Variants in SAFB observed in about 807,000 individuals in gnomAD.
SAFB encodes scaffold attachment factor B1.
In SAFB, 15 loss-of-function variants were observed where a neutral mutation model predicts 101.6. The ratio of observed to expected loss-of-function variants is 0.15; its 90% CI spans 0.10 to 0.23. The LOEUF is 0.23. Among genes scored for constraint, SAFB ranks in the 10% least tolerant of loss-of-function variants. SAFB has a pLI of 1.00. For synonymous variants in SAFB, 449 were observed against 407.5 expected, an observed-to-expected ratio of 1.10 and a Z score of -1.23; for missense variants, 930 against 1,104.1, an observed-to-expected ratio of 0.84 and a Z score of 2.23.
intron 14 of SAFB, among the ~76,000 whole-genome samples, chr19:5,658,997 T>C (rs2054132338): frequency 6.6e-6 from 1 of 151,564 alleles, no homozygotes; most frequent in Non-Finnish European, 1.5e-5. Context: ...ATACAAAAAT[T>C]AGCCAGGTAT....
chr19:5,642,187 C>CGGTT (rs2053730896), intron 4 of SAFB: 2 of 553,500 alleles, frequency 3.6e-6, no homozygotes, highest in Admixed American at 4.7e-5. Context: ...TGAGGACAAC[C>CGGTT]ATTCAGACTC....
chr19:5,626,636 C>T, intron 2 of SAFB, 147 bp downstream of exon 2: 1 of 589,682 alleles, frequency 1.7e-6, no homozygotes, highest in South Asian at 2.1e-5. Context: ...CATTTTCTTT[C>T]AAGATCTCTC....
chr19:5,655,010 G>A (rs781432057), intron 13 of SAFB, among the ~76,000 whole-genome samples: 9 of 152,180 alleles, frequency 5.9e-5, no homozygotes, highest in South Asian at 4.1e-4. Context: ...GGCAGTCCAC[G>A]TTCCCTGTCT....
At position 5,667,160 on chromosome 19, in the gene SAFB, C is replaced by T. The variant is rs759973784; in HGVS notation, c.2449C>T (p.Pro817Ser). Residue 817 changes from proline to serine, a missense_variant, in exon 18 of 21, where the codon CCC (proline) becomes TCC (serine). Physicochemically the swap from Pro to Ser is moderately conservative, Grantham distance 74. Around this residue, in one of 7 missense-constraint regions of SAFB, gnomAD observed 318 missense variants for 342.6 expected, o/e 0.93. Transcript: ENST00000588852. The surrounding 1 kb of genome is among the most constrained non-coding windows in gnomAD (Gnocchi z 4.0). The part of the protein sequence containing the change: ...MSEGRGLPPP[P>S]RGRRDWGDHG... The stretch of plus-strand genomic sequence containing the variant: ...CGAGGGCCGGGGGCTGCCTCCTCCC[C>T]CCAGGTTTGTGTCCCACACCCGACA... 7 of 1,585,764 alleles carry T rather than the reference C, an allele frequency of 4.4e-6. No homozygotes were observed. The highest frequency in any genetic ancestry group is 2.7e-5 in the African/African-American group (2 of 74,346).
chr19:5,661,865 C>A, intron 15 of SAFB, 57 bp downstream of exon 15: 3 of 1,188,814 alleles, frequency 2.5e-6, no homozygotes, highest in Non-Finnish European at 3.5e-6. Context: ...TTAGGGACCT[C>A]ACAGTCCAGT....
In SAFB at chr19:5,637,071, G is replaced by A. The variant is rs532132109; in HGVS notation, c.275-4523G>A. On this transcript the variant is annotated intron_variant, in intron 2 of 20. Transcript: ENST00000588852. ...TAAAACAATTGATTTTCGGCCGGGC[G>A]TGGTGGCTCACGCCTGTAATCCTAG... 7.9e-5 allele frequency among the ~76,000 whole-genome samples: 12 copies of A among 151,470 alleles called. No individual in the cohort carries two copies. The South Asian group carries it at 2.1e-3, about 26-fold the overall frequency.
At chr19:5,656,780 T>G (rs2054072609) in intron 13 of SAFB, among the ~76,000 whole-genome samples, 1 of 151,834 alleles carries the variant, frequency 6.6e-6, no homozygotes, top group South Asian at 2.1e-4. Context: ...TTTTATTTAT[T>G]TATTTTTTGA....
Position 5,667,243 on chromosome 19 carries a change from AG to A in SAFB, c.2453+82del. ...CCGCAAGTCGCTGGGATGTGGGCAC[AG>A]GGTGGGAAACACAGAGGGATTCACT... On this transcript the variant is annotated intron_variant, in intron 18 of 20. Coordinates refer to ENST00000588852, the MANE Select transcript of SAFB (RefSeq NM_001201338.2). This position sits in a 1 kb window ranked among gnomAD's most constrained non-coding sequence, Gnocchi z 4.0. 8.1e-7 allele frequency: 1 copy of A among 1,236,774 alleles called. No individual in the cohort carries two copies. The highest frequency in any genetic ancestry group is 1.1e-6 in the Non-Finnish European group (1 of 892,852). 76.6% of individuals were successfully genotyped at this position (1,236,774 alleles called of 1,614,324 possible).
In SAFB at chr19:5,651,783, G is replaced by A. The variant is rs144883894; in HGVS notation, c.1293+711G>A. 1.0e-3 allele frequency among the ~76,000 whole-genome samples: 156 copies of A among 152,282 alleles called. 3 individuals carry two copies. In the East Asian group the frequency reaches 0.027, roughly 26 times the overall value. On this transcript the variant is annotated intron_variant, in intron 9 of 20. Transcript: ENST00000588852. The stretch of plus-strand genomic sequence containing the variant: ...AGGGCTCCTCGTCTCTCTCAGAGTC[G>A]GTTTCGGGGACTACCAAAGGAAGGA...
At position 5,661,780 on chromosome 19, in the gene SAFB, G is replaced by A. The variant is rs1176229417; in HGVS notation, c.2125G>A (p.Ala709Thr). Residue 709 changes from alanine to threonine, a missense_variant, in exon 15 of 21, where the codon GCG (alanine) becomes ACG (threonine). Around this residue, in one of 7 missense-constraint regions of SAFB, gnomAD observed 318 missense variants for 342.6 expected, o/e 0.93. Transcript: ENST00000588852. ...ELRYEQERRPAVRRPYDLDRR... is the reference protein window; with the variant it reads ...ELRYEQERRPTVRRPYDLDRR... The stretch of plus-strand genomic sequence containing the variant: ...GCGCTATGAGCAGGAGCGGCGGCCC[G>A]CGGTGCGGCGGCCCTACGACCTGGA... 7.1e-6 allele frequency: 11 copies of A among 1,559,344 alleles called. No homozygotes were observed. The African/African-American group carries it at 8.1e-5, about 12-fold the overall frequency.
At chr19:5,660,704 CA>C (rs60011056) in intron 14 of SAFB, among the ~76,000 whole-genome samples, 1,986 of 76,398 alleles carry the variant, frequency 0.026, 17 homozygotes, top group Middle Eastern at 0.059. Context: ...CCATCTCTAC[CA>C]AAAAAAAAAA....
Position 5,641,885 on chromosome 19 carries a change from A to G in SAFB, c.485A>G (p.Asp162Gly), listed in dbSNP as rs1377138404. Residue 162 changes from aspartate (D) to glycine (G), a missense_variant, in exon 4 of 21, where the codon GAT becomes GGT. Asp to Gly is a moderately conservative substitution (Grantham distance 94). Transcript: ENST00000588852. ...DADNLQESLS[D>G]SRELVEGEMK... ...GATAACCTCCAGGAGTCCCTGTCGGATAGTAGAGAGCTAGTCGAGGGGGAA... is the reference window on the plus strand; with the variant it reads ...GATAACCTCCAGGAGTCCCTGTCGGGTAGTAGAGAGCTAGTCGAGGGGGAA... 21 of 1,614,050 alleles carry G rather than the reference A, an allele frequency of 1.3e-5. No homozygotes were observed. The highest frequency in any genetic ancestry group is 1.6e-5 in the Non-Finnish European group (19 of 1,180,028).
In SAFB at chr19:5,645,967, C is replaced by G. The variant is rs542142008; in HGVS notation, c.609+568C>G. Among the ~76,000 whole-genome samples, 7 of 152,200 alleles carry G rather than the reference C, an allele frequency of 4.6e-5. No homozygotes were observed. In the South Asian group the frequency reaches 1.0e-3, roughly 23 times the overall value. ...CATCCTACCTGTTTCATTGGCATCT[C>G]TGTAAATATTAAATCTTAGATGAGA... On this transcript the variant is annotated intron_variant, in intron 5 of 20. Transcript: ENST00000588852.
At position 5,623,158 on chromosome 19, in the gene SAFB, ACCGG is replaced by A. The variant is rs1268499494; in HGVS notation, c.-45_-42del. On this transcript the variant is annotated 5_prime_UTR_variant, in exon 1 of 21. Coordinates refer to ENST00000588852, the MANE Select transcript of SAFB (RefSeq NM_001201338.2). ...CATTTTGTGCTAGGAGCCTGATAAA[ACCGG>A]CCCGGTTCTGTGGAAAGTGGGCGGC... The A allele has an allele frequency of 6.5e-7, 1 of 1,538,482 alleles. No homozygotes were observed. Among genetic ancestry groups the A allele is most frequent in the South Asian group, 1.2e-5 (1 of 84,014 alleles).
At chr19:5,631,546 T>A (rs541628015) in intron 2 of SAFB, among the ~76,000 whole-genome samples, 30 of 152,350 alleles carry the variant, frequency 2.0e-4, no homozygotes, top group African/African-American at 6.0e-4. Context: ...ATGTGTGAAT[T>A]CAAAATGCTT....
intron 7 of SAFB, 69 bp downstream of exon 7, chr19:5,649,568 G>A (rs1028148016): frequency 2.2e-5 from 8 of 365,998 alleles, no homozygotes; most frequent in African/African-American, 1.9e-4. Flanking sequence ...ACACACATAA[G>A]CTGTTTTTTT....
chr19:5,647,600 T>C (rs571940779), intron 5 of SAFB, among the ~76,000 whole-genome samples: 1 of 152,332 alleles, frequency 6.6e-6, no homozygotes, highest in East Asian at 1.9e-4. Flanking sequence ...CCTGGGCCCA[T>C]ATTCCCTCAG....
At chr19:5,657,018 G>T (rs890884019) in intron 13 of SAFB, among the ~76,000 whole-genome samples, 1 of 151,956 alleles carries the variant, frequency 6.6e-6, no homozygotes, top group East Asian at 1.9e-4. Context: ...TGATCTGTCC[G>T]TCTCAGCCTC....
chr19:5,651,601 G>A (rs531389604), intron 9 of SAFB, among the ~76,000 whole-genome samples: 1 of 152,270 alleles, frequency 6.6e-6, no homozygotes, highest in Non-Finnish European at 1.5e-5. Flanking sequence ...CTTGTCTGCA[G>A]CACCTGCCTT....
Sources: allele counts gnomAD v4.1 joint callset (sites outside exome capture counted in the v4.1 genomes callset), GRCh38; gene constraint gnomAD v4.1.1; regional missense constraint gnomAD v4.1.1; non-coding constraint Gnocchi (gnomAD v3.1); transcripts MANE v1.5; gene names NCBI Gene and HGNC (gene_info 2026-07-23, HGNC 2026-07-21).